NKAIN3: variants seen among roughly 807,000 people sequenced by gnomAD.
NKAIN3 encodes sodium/potassium-transporting ATPase subunit beta-1-interacting protein 3.
Under a neutral mutation model 30.2 loss-of-function variants are expected in NKAIN3, and 25 were observed. The observed-to-expected ratio is 0.83, with a 90% CI of 0.60 to 1.16. The LOEUF (loss-of-function observed/expected upper bound fraction) is 1.16. NKAIN3 is among the 50% of genes most tolerant of loss of function. NKAIN3 has a pLI of 0.00. For missense variants in NKAIN3, 225 were observed against 254.1 expected (o/e 0.89, Z 0.78); for synonymous variants, 91 against 89.6 (o/e 1.02, Z -0.09).
chr8:62,248,905 G>A lies in NKAIN3; in HGVS notation c.-169G>A, dbSNP rs988665942. 2 of 582,830 alleles carry A rather than the reference G, an allele frequency of 3.4e-6. No individual in the cohort carries two copies. The highest frequency in any genetic ancestry group is 4.5e-5 in the South Asian group (2 of 44,412). The allele number at this position is 582,830 out of a possible 1,614,324, so 36.1% of individuals were successfully genotyped here. A position where few individuals can be genotyped will look rare whatever the true frequency, so the allele number is the denominator to read the frequency against. On this transcript the variant is annotated 5_prime_UTR_variant, in exon 1 of 7. Coordinates refer to ENST00000623646, the MANE Select transcript of NKAIN3 (RefSeq NM_001304533.3). ...CACTGACCTCGGCCCGCCCCGCCGG[G>A]AAACTAACAAAGGCGGGCGCGAGCC...
chr8:62,856,025 C>T (rs1287238878), intron 4 of NKAIN3: 1 of 684,684 alleles, frequency 1.5e-6, no homozygotes, highest in Non-Finnish European at 2.7e-6. Flanking sequence ...GGGAGGGCCT[C>T]AGATGATGGT....
chr8:62,775,791 A>G (rs1341592591), intron 4 of NKAIN3, among the ~76,000 whole-genome samples: 1 of 152,066 alleles, frequency 6.6e-6, no homozygotes, highest in Non-Finnish European at 1.5e-5. Flanking sequence ...GTGTTCTGCA[A>G]ATATCTATTA....
intron 1 of NKAIN3, among the ~76,000 whole-genome samples, chr8:62,531,817 C>A (rs1055466000): frequency 2.0e-5 from 3 of 152,180 alleles, no homozygotes; most frequent in African/African-American, 7.2e-5. Context: ...GCAGCCACAC[C>A]ACCACCTACT....
chr8:62,511,084 T>C (rs778502300), intron 1 of NKAIN3, among the ~76,000 whole-genome samples: 4 of 152,146 alleles, frequency 2.6e-5, no homozygotes, highest in Admixed American at 6.5e-5. Context: ...CTGCTCTTTC[T>C]GCCTTGGATC....
At chr8:62,575,590 G>C (rs571487384) in intron 1 of NKAIN3, among the ~76,000 whole-genome samples, 4 of 152,104 alleles carry the variant, frequency 2.6e-5, no homozygotes, top group African/African-American at 9.6e-5. Context: ...CCAATGACAT[G>C]CTTCACAGAA....
intron 4 of NKAIN3, among the ~76,000 whole-genome samples, chr8:62,854,397 T>C (rs1378529279): frequency 6.6e-6 from 1 of 152,214 alleles, no homozygotes. Flanking sequence ...ATTGGGTGCA[T>C]ATATATTTAA....
At chr8:62,902,255 A>T (rs904917130) in intron 4 of NKAIN3, among the ~76,000 whole-genome samples, 1 of 152,236 alleles carries the variant, frequency 6.6e-6, no homozygotes, top group African/African-American at 2.4e-5. Flanking sequence ...GCACAAAAAG[A>T]GTCCAAATGC....
intron 3 of NKAIN3, among the ~76,000 whole-genome samples, chr8:62,591,093 A>G (rs1350177498): frequency 3.3e-5 from 5 of 152,008 alleles, no homozygotes; most frequent in Non-Finnish European, 7.4e-5. Context: ...TATTAAGCAC[A>G]ACATTTTCAA....
At chr8:62,840,812 T>A (rs1819508485) in intron 4 of NKAIN3, among the ~76,000 whole-genome samples, 1 of 152,132 alleles carries the variant, frequency 6.6e-6, no homozygotes, top group Non-Finnish European at 1.5e-5. Flanking sequence ...ATATATGGCC[T>A]ACTGAGAACA....
intron 1 of NKAIN3, among the ~76,000 whole-genome samples, chr8:62,511,300 C>A (rs963184051): frequency 6.6e-6 from 1 of 152,112 alleles, no homozygotes; most frequent in Non-Finnish European, 1.5e-5. Flanking sequence ...CTCTTCAGTG[C>A]CTCTCTTCAT....
intron 1 of NKAIN3, among the ~76,000 whole-genome samples, chr8:62,291,029 G>A (rs1035845125): frequency 3.3e-5 from 5 of 152,174 alleles, no homozygotes; most frequent in Admixed American, 1.3e-4. Flanking sequence ...TTTGAATAGA[G>A]GTGTTTGTAG....
At chr8:62,821,602 T>C (rs73684088) in intron 4 of NKAIN3, among the ~76,000 whole-genome samples, 1 of 152,056 alleles carries the variant, frequency 6.6e-6, no homozygotes, top group African/African-American at 2.4e-5. Flanking sequence ...TTTAAAAGTG[T>C]TCATCAATTT....
intron 1 of NKAIN3, among the ~76,000 whole-genome samples, chr8:62,373,941 C>T (rs1189714058): frequency 6.6e-5 from 10 of 151,616 alleles, no homozygotes; most frequent in Middle Eastern, 3.4e-3. Flanking sequence ...GGTGAAACCC[C>T]GTCTCTACTA....
chr8:62,677,923 G>A (rs912072998), intron 3 of NKAIN3, among the ~76,000 whole-genome samples: 2 of 152,150 alleles, frequency 1.3e-5, no homozygotes, highest in Admixed American at 1.3e-4. Context: ...GGTCTCTGTT[G>A]TGGTTTGCAT....
At chr8:62,309,366 G>T (rs1328011919) in intron 1 of NKAIN3, among the ~76,000 whole-genome samples, 2 of 150,396 alleles carry the variant, frequency 1.3e-5, no homozygotes. Flanking sequence ...GAAGTGTCCT[G>T]CCTGAATACT....
intron 3 of NKAIN3, among the ~76,000 whole-genome samples, chr8:62,630,049 T>A (rs776671706): frequency 1.3e-5 from 2 of 152,120 alleles, no homozygotes; most frequent in Non-Finnish European, 2.9e-5. Flanking sequence ...CACATTCACA[T>A]GACTTTTATT....
chr8:62,707,939 T>A (rs779810436), intron 3 of NKAIN3, among the ~76,000 whole-genome samples: 4 of 152,032 alleles, frequency 2.6e-5, no homozygotes, highest in Non-Finnish European at 4.4e-5. Flanking sequence ...TATTTGCCTA[T>A]ATGTGGCTAG....
chr8:62,611,044 A>T (rs552227164), intron 3 of NKAIN3, among the ~76,000 whole-genome samples: 2 of 152,258 alleles, frequency 1.3e-5, no homozygotes, highest in Admixed American at 1.3e-4. Flanking sequence ...CTAAATATGA[A>T]ATACTTGCTT....
intron 1 of NKAIN3, among the ~76,000 whole-genome samples, chr8:62,517,589 A>G (rs943558837): frequency 6.6e-6 from 1 of 152,110 alleles, no homozygotes; most frequent in African/African-American, 2.4e-5. Context: ...CCTAACTACA[A>G]AGAGGCAGGG....
Sources: allele counts gnomAD v4.1 joint callset (sites outside exome capture counted in the v4.1 genomes callset), GRCh38; gene constraint gnomAD v4.1.1; transcripts MANE v1.5; gene names NCBI Gene and HGNC (gene_info 2026-07-23, HGNC 2026-07-21).